ADAMTS12: variants seen among roughly 807,000 people sequenced by gnomAD.
ADAMTS12 encodes the protein ADAM metallopeptidase with thrombospondin type 1 motif 12.
A neutral mutation model predicts 167.8 loss-of-function variants in ADAMTS12; 118 were observed. The ratio of observed to expected loss-of-function variants is 0.70; its 90% CI spans 0.61 to 0.82. The LOEUF (loss-of-function observed/expected upper bound fraction) is 0.82. Among genes scored for constraint, ADAMTS12 ranks in the 40% least tolerant of loss-of-function variants. The pLI, the probability that ADAMTS12 is intolerant of heterozygous loss-of-function variation, is 0.00. For missense variants in ADAMTS12, 1,916 were observed against 1,998.8 expected (o/e 0.96, Z 0.79); for synonymous variants, 704 against 716.9 (o/e 0.98, Z 0.29).
intron 18 of ADAMTS12, among the ~76,000 whole-genome samples, chr5:33,577,713 A>G (rs1175096457): frequency 1.3e-5 from 2 of 151,928 alleles, no homozygotes; most frequent in Admixed American, 6.5e-5. Context: ...GATAATCACC[A>G]TACTCACACA....
At chr5:33,536,625 G>T (rs560690988) in intron 22 of ADAMTS12, among the ~76,000 whole-genome samples, 3 of 151,590 alleles carry the variant, frequency 2.0e-5, no homozygotes, top group Non-Finnish European at 4.4e-5. Flanking sequence ...GATTCCAAAG[G>T]CTGGCCTGGT....
At chr5:33,853,165 C>T (rs1182645246) in intron 2 of ADAMTS12, among the ~76,000 whole-genome samples, 1 of 152,236 alleles carries the variant, frequency 6.6e-6, no homozygotes, top group Non-Finnish European at 1.5e-5. Context: ...GAAAACTCCA[C>T]ACTAACAATC....
intron 2 of ADAMTS12, among the ~76,000 whole-genome samples, chr5:33,804,801 C>A (rs1747159359): frequency 6.6e-6 from 1 of 152,158 alleles, no homozygotes; most frequent in Non-Finnish European, 1.5e-5. Flanking sequence ...CGCTCACCAT[C>A]CCCATTCCAT....
intron 2 of ADAMTS12, among the ~76,000 whole-genome samples, chr5:33,771,032 TAG>T (rs1177620859): frequency 6.6e-6 from 1 of 152,144 alleles, no homozygotes; most frequent in Admixed American, 6.6e-5. Flanking sequence ...CTTCATATTA[TAG>T]ACAGGCAGGC....
intron 3 of ADAMTS12, among the ~76,000 whole-genome samples, chr5:33,722,027 T>A (rs1006160064): frequency 7.2e-5 from 11 of 152,232 alleles, no homozygotes; most frequent in African/African-American, 2.4e-4. Context: ...TTCTTCCTTA[T>A]TCTGGCTTCA....
intron 2 of ADAMTS12, among the ~76,000 whole-genome samples, chr5:33,832,843 C>A (rs1191805234): frequency 6.6e-6 from 1 of 152,130 alleles, no homozygotes; most frequent in Non-Finnish European, 1.5e-5. Context: ...CTAAAGACAG[C>A]CGTGGGAGGT....
chr5:33,677,422 T>C (rs6893612), intron 5 of ADAMTS12, among the ~76,000 whole-genome samples: 145,886 of 152,232 alleles, frequency 0.96, 70,233 homozygotes, highest in East Asian at 1. Context: ...CTACCAAAAT[T>C]ATATGGCTAG....
intron 11 of ADAMTS12, among the ~76,000 whole-genome samples, chr5:33,638,545 T>G (rs895017894): frequency 2.6e-5 from 4 of 152,214 alleles, no homozygotes; most frequent in Non-Finnish European, 5.9e-5. Flanking sequence ...CATGTCTACA[T>G]ACTGCTCATG....
intron 16 of ADAMTS12, among the ~76,000 whole-genome samples, chr5:33,596,668 C>G (rs1055804287): frequency 6.6e-6 from 1 of 152,044 alleles, no homozygotes; most frequent in Non-Finnish European, 1.5e-5. Flanking sequence ...GGCAACAGAG[C>G]GAGACTCTGT....
chr5:33,665,337 T>C (rs1226564074), intron 5 of ADAMTS12, among the ~76,000 whole-genome samples: 1 of 152,186 alleles, frequency 6.6e-6, no homozygotes, highest in Non-Finnish European at 1.5e-5. Flanking sequence ...CTGTCATTAA[T>C]AACAATGTAC....
rs1309477888 is a variant in ADAMTS12, at chr5:33,525,072, A to G, written c.*2116T>C. ...GTATTTGACCCTATGCTAGTACAGT[A>G]CCAGGTTAAATCAATCTAGCTTACT... On this transcript the variant is annotated 3_prime_UTR_variant, in exon 24 of 24. Coordinates refer to ENST00000504830, the MANE Select transcript of ADAMTS12 (RefSeq NM_030955.4). 1 of 152,188 alleles carries G rather than the reference A, an allele frequency of 6.6e-6. No homozygotes were observed. The highest frequency in any genetic ancestry group is 2.4e-5 in the African/African-American group (1 of 41,450). The allele number at this position is 152,188 out of a possible 1,614,324, so 9.4% of individuals were successfully genotyped here.
chr5:33,608,021 T>C (rs940311236), intron 16 of ADAMTS12, among the ~76,000 whole-genome samples: 1 of 152,208 alleles, frequency 6.6e-6, no homozygotes, highest in Non-Finnish European at 1.5e-5. Context: ...ATTGGATAAA[T>C]GCCAGTGAAA....
In ADAMTS12 at chr5:33,891,949, G is replaced by A. The variant is rs1750876801; in HGVS notation, c.-93C>T. ...GCCTGTGGCCCAGCAGGAAGATGCA[G>A]GGGTGCATGGTCAGGCGCGAGAAGG... On this transcript the variant is annotated 5_prime_UTR_variant, in exon 1 of 24. Transcript: ENST00000504830. The A allele has an allele frequency of 1.3e-6, 2 of 1,502,432 alleles. No homozygotes were observed. The highest frequency in any genetic ancestry group is 2.6e-5 in the South Asian group (2 of 76,822). The allele number at this position is 1,502,432 out of a possible 1,614,324, so 93.1% of individuals were successfully genotyped here. A position where few individuals can be genotyped will look rare whatever the true frequency, so the allele number is the denominator to read the frequency against.
intron 20 of ADAMTS12, among the ~76,000 whole-genome samples, chr5:33,554,933 G>A (rs748523979): frequency 3.3e-5 from 5 of 152,046 alleles, no homozygotes; most frequent in Non-Finnish European, 5.9e-5. Context: ...AAATAAAAAG[G>A]CAACGTTGCC....
chr5:33,658,152 G>C (rs1579807266), intron 7 of ADAMTS12, 32 bp downstream of exon 7: 1 of 1,610,234 alleles, frequency 6.2e-7, no homozygotes, highest in Admixed American at 1.7e-5. Context: ...CATGAATATG[G>C]TGAGCAAACC....
At chr5:33,551,238 C>G (rs543795659) in intron 20 of ADAMTS12, among the ~76,000 whole-genome samples, 38 of 152,212 alleles carry the variant, frequency 2.5e-4, no homozygotes, top group African/African-American at 8.2e-4. Context: ...CAGATTTCAC[C>G]AAGTCACCTG....
chr5:33,891,558 A>C, intron 1 of ADAMTS12, 172 bp downstream of exon 1: 1 of 900,176 alleles, frequency 1.1e-6, no homozygotes, highest in Non-Finnish European at 1.7e-6. Flanking sequence ...TTAAGCACTG[A>C]ATTCTGAGAA....
chr5:33,601,074 C>A (rs1738162633), intron 16 of ADAMTS12, among the ~76,000 whole-genome samples: 1 of 151,248 alleles, frequency 6.6e-6, no homozygotes, highest in South Asian at 2.1e-4. Context: ...CAGCTTGGGT[C>A]TCATGACTAT....
intron 7 of ADAMTS12, among the ~76,000 whole-genome samples, chr5:33,652,983 T>A (rs1231806636): frequency 6.6e-6 from 1 of 152,152 alleles, no homozygotes; most frequent in East Asian, 1.9e-4. Context: ...ATAGTTTTGT[T>A]TCTTTCTTTC....
Sources: allele counts gnomAD v4.1 joint callset (sites outside exome capture counted in the v4.1 genomes callset), GRCh38; gene constraint gnomAD v4.1.1; transcripts MANE v1.5; gene names NCBI Gene and HGNC (gene_info 2026-07-23, HGNC 2026-07-21).